The following MAP4 variants were observed in gnomAD, a reference collection of about 807,000 sequenced individuals.
The protein encoded by MAP4 is microtubule associated protein 4.
MAP4 carries 76 observed loss-of-function variants against 170.2 expected under a neutral mutation model. The observed-to-expected ratio is 0.45, with a 90% CI of 0.37 to 0.54. The LOEUF (loss-of-function observed/expected upper bound fraction) is 0.54, where lower values mean the gene tolerates loss of function less well. MAP4 is among the 20% of genes least tolerant of loss of function. MAP4 has a pLI of 0.00. For missense variants in MAP4, 2,506 were observed against 2,748.0 expected (o/e 0.91, Z 1.97); for synonymous variants, 909 against 994.5 (o/e 0.91, Z 1.62).
intron 10 of MAP4, among the ~76,000 whole-genome samples, chr3:47,878,778 T>A (rs1160282229): frequency 6.6e-6 from 1 of 152,122 alleles, no homozygotes; most frequent in Non-Finnish European, 1.5e-5. Context: ...CTTCAAGTGA[T>A]CCACCCACCT....
rs532794270 is a variant in MAP4 at position 47,981,641 on chromosome 3, G to A, written c.224-3708C>T. 2.6e-5 allele frequency among the ~76,000 whole-genome samples: 4 copies of A among 151,766 alleles called. No homozygotes were observed. The South Asian group carries it at 8.3e-4, about 32-fold the overall frequency. On this transcript the variant is annotated intron_variant, in intron 2 of 20. Coordinates refer to ENST00000683076, the MANE Select transcript of MAP4 (RefSeq NM_001385682.1). ...AAAAATTAGCCAGGCATAGTGGCGT[G>A]TGAATCACAACTACTCTAGAGGCTG...
chr3:47,855,672 G>A lies in MAP4; in HGVS notation c.6584-312C>T, dbSNP rs757217258. Among the ~76,000 whole-genome samples, 70 of 152,118 alleles carry A rather than the reference G, an allele frequency of 4.6e-4. No individual in the cohort carries two copies. Among genetic ancestry groups the A allele is most frequent in the Non-Finnish European group, 8.5e-4 (58 of 67,978 alleles). ...TGGGGCTCCGAGCACAGCCTCCAGG[G>A]CGAAGCCTCTGCTTCTCTACTCTGT... On this transcript the variant is annotated intron_variant, in intron 18 of 20. Transcript: ENST00000683076. The surrounding 1 kb of genome is among the most constrained non-coding windows in gnomAD (Gnocchi z 5.1).
intron 10 of MAP4, among the ~76,000 whole-genome samples, chr3:47,879,947 T>C (rs998471489): frequency 6.6e-6 from 1 of 152,222 alleles, no homozygotes; most frequent in Admixed American, 6.5e-5. Flanking sequence ...CACCATTAAA[T>C]ATGATGTTAG....
chr3:48,034,363 G>C (rs2100117692), intron 1 of MAP4, among the ~76,000 whole-genome samples: 1 of 152,104 alleles, frequency 6.6e-6, no homozygotes, highest in African/African-American at 2.4e-5. Context: ...AAAAGGAACA[G>C]AGAAAACCAT....
At chr3:47,878,908 G>C (rs2152534897) in intron 10 of MAP4, among the ~76,000 whole-genome samples, 1 of 152,228 alleles carries the variant, frequency 6.6e-6, no homozygotes, top group South Asian at 2.1e-4. Flanking sequence ...GAATAATATA[G>C]GGAAATATAC....
chr3:48,048,939 CCT>C (rs761921821), intron 1 of MAP4, among the ~76,000 whole-genome samples: 10 of 152,294 alleles, frequency 6.6e-5, no homozygotes, highest in East Asian at 1.9e-4. Flanking sequence ...CTACTACCCC[CCT>C]GTCCCCTGGC....
At chr3:47,973,544 C>G (rs1472623115) in intron 3 of MAP4, 4 of 984,716 alleles carry the variant, frequency 4.1e-6, no homozygotes, top group Admixed American at 6.2e-5. Context: ...TTCAACAATT[C>G]TGTAAGTTCA....
chr3:47,876,132 CTTTCTTTTTTTT>C (rs1218222392), intron 11 of MAP4, among the ~76,000 whole-genome samples: 2 of 140,570 alleles, frequency 1.4e-5, no homozygotes, highest in African/African-American at 5.2e-5. Context: ...TTTTCTTTTT[CTTTCTTTTTTTT>C]TTTTTTTGAG....
chr3:48,063,898 T>C (rs1017544301), intron 1 of MAP4, among the ~76,000 whole-genome samples: 6 of 152,156 alleles, frequency 3.9e-5, no homozygotes, highest in African/African-American at 1.4e-4. Flanking sequence ...AGTGAAACTA[T>C]TCCATATACA....
At chr3:47,995,238 T>C (rs2100094719) in intron 2 of MAP4, among the ~76,000 whole-genome samples, 1 of 143,600 alleles carries the variant, frequency 7.0e-6, no homozygotes. Context: ...TGATAGCAAC[T>C]TTTTTTCTTT....
chr3:48,081,309 T>A (rs902386283), intron 1 of MAP4, among the ~76,000 whole-genome samples: 10 of 151,112 alleles, frequency 6.6e-5, no homozygotes, highest in Non-Finnish European at 1.3e-4. Flanking sequence ...ATAAATAAAA[T>A]AAATAAATAA....
In MAP4 at chr3:47,910,286, G is replaced by A; in HGVS notation, c.4135C>T (p.His1379Tyr). Residue 1379 changes from histidine (H) to tyrosine (Y), a missense_variant, in exon 9 of 21, where the codon CAC (histidine) becomes TAC (tyrosine). Coordinates refer to ENST00000683076, the MANE Select transcript of MAP4 (RefSeq NM_001385682.1). ...KKVKNSSPEK[H>Y]ILENKIDATK... ...GCATCTATCTTATTCTCCAGAATGTGCTTCTCAGGAGAACTATTTTTAACC... is the reference window on the plus strand; with the variant it reads ...GCATCTATCTTATTCTCCAGAATGTACTTCTCAGGAGAACTATTTTTAACC... 1.3e-6 allele frequency: 2 copies of A among 1,597,846 alleles called. No homozygotes were observed. The highest frequency in any genetic ancestry group is 1.7e-6 in the Non-Finnish European group (2 of 1,176,878).
Position 47,910,443 on chromosome 3 carries a change from G to C in MAP4, c.3978C>G (p.Cys1326Trp). 2.0e-6 allele frequency: 3 copies of C among 1,536,036 alleles called. No homozygotes were observed. The highest frequency in any genetic ancestry group is 2.6e-6 in the Non-Finnish European group (3 of 1,146,858). Residue 1326 changes from cysteine to tryptophan, a missense_variant, in exon 9 of 21, where the codon TGC becomes TGG. Transcript: ENST00000683076. ...ATCCTGCCCCCTGGATTTGCTCTTG[G>C]CAGCTCACATCTGTCACCTTGGCAG... Reference protein sequence around the residue: ...EPPAKVTDVSCQEQIQGAGFV... With the variant: ...EPPAKVTDVSWQEQIQGAGFV...
In MAP4 at chr3:47,851,497, A is replaced by G. The variant is rs2042161552; in HGVS notation, c.*1437T>C. 1 of 152,238 alleles carries G rather than the reference A, an allele frequency of 6.6e-6. No homozygotes were observed. The highest frequency in any genetic ancestry group is 1.5e-5 in the Non-Finnish European group (1 of 68,040). 9.4% of individuals were successfully genotyped at this position (152,238 alleles called of 1,614,324 possible). On this transcript the variant is annotated 3_prime_UTR_variant, in exon 21 of 21. Coordinates refer to ENST00000683076, the MANE Select transcript of MAP4 (RefSeq NM_001385682.1). ...GCAGCCTCCTCAGAGGCAAATCTAC[A>G]CTGCAGCCAATCCCCCTCCAGAGAA...
intron 10 of MAP4, chr3:47,892,798 A>T: frequency 6.0e-6 from 7 of 1,167,722 alleles, no homozygotes; most frequent in Non-Finnish European, 7.4e-6. Flanking sequence ...TTAGATCTGC[A>T]ATTTAAAACA....
intron 10 of MAP4, chr3:47,890,973 C>T: frequency 1.4e-6 from 2 of 1,390,406 alleles, no homozygotes; most frequent in South Asian, 1.5e-5. Context: ...CACTTTGGTT[C>T]CTTCCTTGCT....
chr3:47,891,281 C>A, intron 10 of MAP4: 2 of 1,536,238 alleles, frequency 1.3e-6, no homozygotes, highest in Non-Finnish European at 8.7e-7. Context: ...GTTGCTGCTG[C>A]TGTTGCTGAA....
At chr3:47,887,893 C>A (rs1577098116) in intron 10 of MAP4, among the ~76,000 whole-genome samples, 1 of 152,226 alleles carries the variant, frequency 6.6e-6, no homozygotes, top group Admixed American at 6.5e-5. Context: ...ACACACCAAT[C>A]AGCACCCTGT....
At chr3:47,857,860 C>T (rs1340046218) in intron 17 of MAP4, among the ~76,000 whole-genome samples, 2 of 151,994 alleles carry the variant, frequency 1.3e-5, no homozygotes, top group African/African-American at 2.4e-5. Context: ...AGGCGTGTAC[C>T]ACCACATCTG....
Sources: allele counts gnomAD v4.1 joint callset (sites outside exome capture counted in the v4.1 genomes callset), GRCh38; gene constraint gnomAD v4.1.1; non-coding constraint Gnocchi (gnomAD v3.1); transcripts MANE v1.5; gene names NCBI Gene and HGNC (gene_info 2026-07-23, HGNC 2026-07-21).